Variants in C1orf174 observed in about 807,000 individuals in gnomAD.
C1orf174 encodes the protein UPF0688 protein C1orf174.
In C1orf174, 13 loss-of-function variants were observed where a neutral mutation model predicts 18.4. That is an observed-to-expected ratio of 0.71 (90% confidence interval 0.46 to 1.12). The LOEUF (loss-of-function observed/expected upper bound fraction) is 1.12, where lower values mean the gene tolerates loss of function less well. C1orf174 is among the 50% of genes most tolerant of loss of function. The pLI, the probability that C1orf174 is intolerant of heterozygous loss-of-function variation, is 0.00. For missense variants in C1orf174, 309 were observed against 308.0 expected (o/e 1.00, Z -0.02); for synonymous variants, 100 against 118.3 (o/e 0.85, Z 1.01).
rs758707251 is a variant in C1orf174, at chr1:3,892,992, G to T, written c.20C>A (p.Thr7Lys). Residue 7 changes from threonine (T) to lysine (K), a missense_variant, in exon 2 of 4, where the codon ACA (threonine) becomes AAA (lysine). Transcript: ENST00000361605. ...GCGCGCTGAAGACCGCACTGCACCT[G>T]TGAGCTAGAGAGATTGAGAGCCACT... MRSRKLTGAVRSSARLK... is the reference protein window; with the variant it reads MRSRKLKGAVRSSARLK... 15 of 1,613,852 alleles carry T rather than the reference G, an allele frequency of 9.3e-6. No individual in the cohort carries two copies. In the Admixed American group the frequency reaches 2.5e-4, roughly 27 times the overall value.
intron 1 of C1orf174, among the ~76,000 whole-genome samples, chr1:3,897,681 TG>T (rs1638631145): frequency 6.6e-6 from 1 of 152,192 alleles, no homozygotes; most frequent in South Asian, 2.1e-4. Flanking sequence ...CTTTTTTTTT[TG>T]AGACGGAGTC....
At position 3,889,700 on chromosome 1, in the gene C1orf174, GAAAAAAAAAAA is replaced by G. The variant is rs59405380; in HGVS notation, c.*249_*259del. ...ACAAGAGAGAAACTCTGTCTCCAAGGAAAAAAAAAAAAAAAAAAAAAGAAAGGACATTGGCA... is the reference window on the plus strand; with the variant it reads ...ACAAGAGAGAAACTCTGTCTCCAAGGAAAAAAAAAAGAAAGGACATTGGCA... On this transcript the variant is annotated 3_prime_UTR_variant, in exon 4 of 4. Transcript: ENST00000361605. 8 of 146,346 alleles carry G rather than the reference GAAAAAAAAAAA, an allele frequency of 5.5e-5. No individual in the cohort carries two copies. The Admixed American group carries it at 6.9e-4, about 13-fold the overall frequency. The allele number at this position is 146,346 out of a possible 1,614,324, so 9.1% of individuals were successfully genotyped here. A position where few individuals can be genotyped will look rare whatever the true frequency, so the allele number is the denominator to read the frequency against.
rs375734586 is a variant in C1orf174 at position 3,900,215 on chromosome 1, G to A, written c.-29C>T. The A allele has an allele frequency of 1.9e-6, 3 of 1,564,916 alleles. No homozygotes were observed. Among genetic ancestry groups the A allele is most frequent in the African/African-American group, 1.4e-5 (1 of 71,092 alleles). ...TGTGAGCACCGCAGCCAAGCACCGC[G>A]CGCCCCGGCCAACGCGTCCCGGCGG... is the stretch of plus-strand genomic sequence containing the variant. On this transcript the variant is annotated 5_prime_UTR_variant, in exon 1 of 4. Coordinates refer to ENST00000361605, the MANE Select transcript of C1orf174 (RefSeq NM_207356.3).
chr1:3,891,707 C>T (rs929065813), intron 2 of C1orf174: 2 of 986,090 alleles, frequency 2.0e-6, no homozygotes, highest in Admixed American at 6.1e-5. Context: ...CTTTCCCCAC[C>T]CACTCTGCCT....
intron 1 of C1orf174, among the ~76,000 whole-genome samples, chr1:3,899,123 CAG>C (rs539936681): frequency 4.9e-4 from 75 of 152,196 alleles, no homozygotes; most frequent in African/African-American, 1.8e-3. Context: ...AAAGAAGGAA[CAG>C]GGGAAGAAAA....
chr1:3,890,180 CT>C, intron 3 of C1orf174, 107 bp from the exon 4 acceptor site: 1 of 843,322 alleles, frequency 1.2e-6, no homozygotes, highest in Non-Finnish European at 1.9e-6. Context: ...GCGCTCTTCC[CT>C]TTTAGACGTG....
At chr1:3,898,006 A>AT (rs1557741589) in intron 1 of C1orf174, among the ~76,000 whole-genome samples, 1 of 152,214 alleles carries the variant, frequency 6.6e-6, no homozygotes. Context: ...AATAGGATAC[A>AT]TGCAAAGAGA....
At chr1:3,890,153 G>T in intron 3 of C1orf174, 80 bp from the exon 4 acceptor site, 1 of 1,117,226 alleles carries the variant, frequency 9.0e-7, no homozygotes, top group South Asian at 1.3e-5. Flanking sequence ...CCACCCAGCG[G>T]CTCTAGGGCT....
In C1orf174 at chr1:3,889,892, T is replaced by A. The variant is rs1638469849; in HGVS notation, c.*68A>T. The A allele has an allele frequency of 2.3e-6, 3 of 1,310,642 alleles. No homozygotes were observed. Among genetic ancestry groups the A allele is most frequent in the Non-Finnish European group, 3.3e-6 (3 of 904,358 alleles). 81.2% of individuals were successfully genotyped at this position (1,310,642 alleles called of 1,614,324 possible). ...CTTGGAGATACATTTTATATAAATC[T>A]TGTAATGTGCTAAATTGTCAAATTG... On this transcript the variant is annotated 3_prime_UTR_variant, in exon 4 of 4. Transcript: ENST00000361605.
Position 3,890,697 on chromosome 1 carries a change from C to T in C1orf174, c.490G>A (p.Glu164Lys). Reference protein sequence around the residue: ...NSSSTVQKQNEPGLQTEDVQK... With the variant: ...NSSSTVQKQNKPGLQTEDVQK... Reference sequence around the variant, plus strand: ...ACATCCTCTGTCTGTAGCCCTGGCTCATTCTGCTTCTGCACAGTGGAGCTG... The same window carrying T: ...ACATCCTCTGTCTGTAGCCCTGGCTTATTCTGCTTCTGCACAGTGGAGCTG... Residue 164 changes from glutamate (E) to lysine (K), a missense_variant, in exon 3 of 4, where the codon GAG (glutamate) becomes AAG (lysine). Transcript: ENST00000361605. 1 of 1,614,156 alleles carries T rather than the reference C, an allele frequency of 6.2e-7. No individual in the cohort carries two copies. Among genetic ancestry groups the T allele is most frequent in the Non-Finnish European group, 8.5e-7 (1 of 1,180,036 alleles).
At chr1:3,890,361 T>C (rs1375956847) in intron 3 of C1orf174, among the ~76,000 whole-genome samples, 2 of 152,162 alleles carry the variant, frequency 1.3e-5, no homozygotes, top group Non-Finnish European at 2.9e-5. Flanking sequence ...AACACACCTT[T>C]CCCGAGAGCA....
chr1:3,890,174 T>C (rs2124782376), intron 3 of C1orf174, 101 bp from the exon 4 acceptor site: 1 of 907,786 alleles, frequency 1.1e-6, no homozygotes, highest in East Asian at 2.6e-5. Context: ...CGCAGAGCGC[T>C]CTTCCCTTTT....
In C1orf174 at chr1:3,900,080, C is replaced by T. The variant is rs902774262; in HGVS notation, c.15+92G>A. 108 of 1,454,828 alleles carry T rather than the reference C, an allele frequency of 7.4e-5. No homozygotes were observed. In the East Asian group the frequency reaches 9.0e-4, roughly 12 times the overall value. 90.1% of individuals were successfully genotyped at this position (1,454,828 alleles called of 1,614,324 possible). A position where few individuals can be genotyped will look rare whatever the true frequency, so the allele number is the denominator to read the frequency against. ...GCGGAGGCCGCTCCTAGGCCACAGG[C>T]ACCCCGTGACCCCGCCCCGGTTCTC... is the stretch of plus-strand genomic sequence containing the variant. On this transcript the variant is annotated intron_variant, in intron 1 of 3. Coordinates refer to ENST00000361605, the MANE Select transcript of C1orf174 (RefSeq NM_207356.3).
chr1:3,889,748 CT>C lies in C1orf174; in HGVS notation c.*211del, dbSNP rs1638467416. ...AAAGGACATTGGCACAGTACAGCAG[CT>C]TTGCAACCTCAAAGATGGTTTGAGT... On this transcript the variant is annotated 3_prime_UTR_variant, in exon 4 of 4. Transcript: ENST00000361605. 1.8e-6 allele frequency: 1 copy of C among 557,490 alleles called. No individual in the cohort carries two copies. Among genetic ancestry groups the C allele is most frequent in the South Asian group, 2.1e-5 (1 of 47,602 alleles). 34.5% of individuals were successfully genotyped at this position (557,490 alleles called of 1,614,324 possible).
At chr1:3,894,389 C>A (rs1638567578) in intron 1 of C1orf174, among the ~76,000 whole-genome samples, 1 of 152,092 alleles carries the variant, frequency 6.6e-6, no homozygotes, top group Non-Finnish European at 1.5e-5. Context: ...AGGTGGATCA[C>A]AAGGTCAGGA....
chr1:3,890,385 C>A (rs184161737), intron 3 of C1orf174, among the ~76,000 whole-genome samples, 184 bp downstream of exon 3: 2 of 152,260 alleles, frequency 1.3e-5, no homozygotes, highest in East Asian at 3.9e-4. Flanking sequence ...ATTCTCAGCT[C>A]GGGAGATGCA....
intron 1 of C1orf174, 90 bp downstream of exon 1, chr1:3,900,082 C>A: frequency 6.8e-7 from 1 of 1,469,700 alleles, no homozygotes. Flanking sequence ...GCCACAGGCA[C>A]CCCGTGACCC....
chr1:3,894,101 C>G (rs537584448), intron 1 of C1orf174, among the ~76,000 whole-genome samples: 1 of 152,162 alleles, frequency 6.6e-6, no homozygotes, highest in African/African-American at 2.4e-5. Flanking sequence ...TCCACAATAC[C>G]ACACTGCACT....
Position 3,890,440 on chromosome 1 carries a change from G to A in C1orf174, c.618+129C>T, listed in dbSNP as rs181300013. 9 of 1,329,278 alleles carry A rather than the reference G, an allele frequency of 6.8e-6. No homozygotes were observed. In the East Asian group the frequency reaches 2.1e-4, roughly 32 times the overall value. 82.3% of individuals were successfully genotyped at this position (1,329,278 alleles called of 1,614,324 possible). A position where few individuals can be genotyped will look rare whatever the true frequency, so the allele number is the denominator to read the frequency against. On this transcript the variant is annotated intron_variant, in intron 3 of 3. Coordinates refer to ENST00000361605, the MANE Select transcript of C1orf174 (RefSeq NM_207356.3). ...CAACGGTTTCATTTTCTCCTCGTGG[G>A]TTAAAATGATTAGTTTATGTTTAAT... is the stretch of plus-strand genomic sequence containing the variant.
Sources: allele counts gnomAD v4.1 joint callset (sites outside exome capture counted in the v4.1 genomes callset), GRCh38; gene constraint gnomAD v4.1.1; transcripts MANE v1.5; gene names NCBI Gene and HGNC (gene_info 2026-07-23, HGNC 2026-07-21).